The following AGO4 variants were observed in gnomAD, a reference collection of about 807,000 sequenced individuals.
The protein encoded by AGO4 is protein argonaute-4.
A neutral mutation model predicts 104.7 loss-of-function variants in AGO4; 33 were observed. The ratio of observed to expected loss-of-function variants is 0.32; its 90% confidence interval spans 0.24 to 0.42. The LOEUF (loss-of-function observed/expected upper bound fraction) is 0.42. AGO4 is among the 10% of genes least tolerant of loss of function. The pLI is 1.00. For missense variants in AGO4, 711 were observed against 1,083.4 expected (o/e 0.66, Z 4.83); for synonymous variants, 331 against 364.7 (o/e 0.91, Z 1.05).
At chr1:35,815,488 CAGTT>C (rs982899205) in intron 1 of AGO4, among the ~76,000 whole-genome samples, 2 of 151,990 alleles carry the variant, frequency 1.3e-5, no homozygotes, top group Admixed American at 6.6e-5. Flanking sequence ...GGAAAAAAAA[CAGTT>C]AGCTAAATGA....
intron 2 of AGO4, among the ~76,000 whole-genome samples, chr1:35,820,546 G>A (rs1187640615): frequency 2.0e-5 from 3 of 151,834 alleles, no homozygotes; most frequent in Non-Finnish European, 2.9e-5. Flanking sequence ...TAGTAGAGAC[G>A]AGGTTTCACC....
chr1:35,811,150 CA>C (rs376134737), intron 1 of AGO4, among the ~76,000 whole-genome samples: 6,848 of 149,230 alleles, frequency 0.046, 214 homozygotes, highest in South Asian at 0.067. Flanking sequence ...AACAAAACAA[CA>C]AAAAAAAACC....
chr1:35,825,511 G>A lies in AGO4; in HGVS notation c.488+17G>A, dbSNP rs751205334. The A allele has an allele frequency of 3.6e-5, 57 of 1,602,208 alleles. No homozygotes were observed. Among genetic ancestry groups the A allele is most frequent in the African/African-American group, 1.2e-4 (9 of 74,350 alleles). On this transcript the variant is annotated intron_variant, in intron 4 of 17. Coordinates refer to ENST00000373210, the MANE Select transcript of AGO4 (RefSeq NM_017629.4). ...CTCCATGAGGTTAGTACCTTGGTTT[G>A]GATTATTTCCTACAAATGTCAGACT...
chr1:35,841,019 G>C lies in AGO4; in HGVS notation c.1725-146G>C. 1 of 767,640 alleles carries C rather than the reference G, an allele frequency of 1.3e-6. No homozygotes were observed. Among genetic ancestry groups the C allele is most frequent in the Non-Finnish European group, 2.1e-6 (1 of 480,606 alleles). 47.6% of individuals were successfully genotyped at this position (767,640 alleles called of 1,614,324 possible). ...GTACTGGGTGACATCAATATTCAGTGGTCCGTAGTGTTCTTTCCCAATGGG... is the reference window on the plus strand; with the variant it reads ...GTACTGGGTGACATCAATATTCAGTCGTCCGTAGTGTTCTTTCCCAATGGG... On this transcript the variant is annotated intron_variant, in intron 13 of 17. Coordinates refer to ENST00000373210, the MANE Select transcript of AGO4 (RefSeq NM_017629.4). This position sits in a 1 kb window ranked among gnomAD's most constrained non-coding sequence, Gnocchi z 4.7.
Position 35,841,288 on chromosome 1 carries a change from G to A in AGO4, c.1848G>A (p.Arg616=). The A allele has an allele frequency of 6.2e-7, 1 of 1,614,156 alleles. No individual in the cohort carries two copies. The change falls in exon 14 of 18, where the codon CGG becomes CGA. Residue 616 remains arginine, a synonymous_variant. Transcript: ENST00000373210. This position sits in a 1 kb window ranked among gnomAD's most constrained non-coding sequence, Gnocchi z 4.7. ...GCAGTATGGATGGCCACCCCAGCCG[G>A]TACTGTGCCACCGTTCGGGTGCAGA... The part of the protein sequence containing the change: ...VVGSMDGHPS[R]YCATVRVQTS...
rs1644835433 is a variant in AGO4 at position 35,857,169 on chromosome 1, C to G, written c.*3564C>G. ...TTTAACAAGGCTCACCCTCTCCACC[C>G]TGTCCTAACGACCTTTTGTGAATGT... On this transcript the variant is annotated 3_prime_UTR_variant, in exon 18 of 18. Transcript: ENST00000373210. 1 of 152,202 alleles carries G rather than the reference C, an allele frequency of 6.6e-6. No individual in the cohort carries two copies. Among genetic ancestry groups the G allele is most frequent in the Admixed American group, 6.5e-5 (1 of 15,280 alleles). 9.4% of individuals were successfully genotyped at this position (152,202 alleles called of 1,614,324 possible). A position where few individuals can be genotyped will look rare whatever the true frequency, so the allele number is the denominator to read the frequency against.
chr1:35,818,285 T>G (rs1643776175), intron 2 of AGO4, among the ~76,000 whole-genome samples: 1 of 152,084 alleles, frequency 6.6e-6, no homozygotes, highest in Non-Finnish European at 1.5e-5. Flanking sequence ...GTGAGGGATA[T>G]CTGCATGAAG....
At chr1:35,810,917 CGG>C (rs1643479332) in intron 1 of AGO4, among the ~76,000 whole-genome samples, 1 of 150,170 alleles carries the variant, frequency 6.7e-6, no homozygotes, top group South Asian at 2.1e-4. Flanking sequence ...GGATCATTTG[CGG>C]CCAGGAGTTC....
chr1:35,812,592 A>AT (rs945654041), intron 1 of AGO4, among the ~76,000 whole-genome samples: 21 of 151,102 alleles, frequency 1.4e-4, no homozygotes, highest in Non-Finnish European at 2.4e-4. Context: ...TTCTTACAAC[A>AT]TTTTTTTTCT....
At chr1:35,847,092 A>G (rs1035339299) in intron 15 of AGO4, among the ~76,000 whole-genome samples, 18 of 150,482 alleles carry the variant, frequency 1.2e-4, no homozygotes, top group African/African-American at 4.5e-4. Context: ...GGGGTGTCCA[A>G]TCTTTTGGCT....
intron 12 of AGO4, among the ~76,000 whole-genome samples, chr1:35,835,008 T>TC (rs1644275315): frequency 8.5e-6 from 1 of 118,024 alleles, no homozygotes; most frequent in East Asian, 2.3e-4. Context: ...GTTTTAAACT[T>TC]TTTTTTTTTT....
At chr1:35,852,611 A>G (rs1239179439) in intron 17 of AGO4, among the ~76,000 whole-genome samples, 1 of 152,228 alleles carries the variant, frequency 6.6e-6, no homozygotes, top group Non-Finnish European at 1.5e-5. Context: ...TTGTTGTATT[A>G]TGTGCTAGAC....
intron 7 of AGO4, among the ~76,000 whole-genome samples, chr1:35,830,741 T>A (rs1468542907): frequency 2.0e-5 from 3 of 151,442 alleles, no homozygotes; most frequent in African/African-American, 7.3e-5. Context: ...TTTGGGAGGA[T>A]GAGGCAGGTG....
chr1:35,857,787 C>T lies in AGO4; in HGVS notation c.*4182C>T, dbSNP rs927667567. 6.6e-6 allele frequency: 1 copy of T among 152,120 alleles called. No homozygotes were observed. Among genetic ancestry groups the T allele is most frequent in the Non-Finnish European group, 1.5e-5 (1 of 68,022 alleles). The allele number at this position is 152,120 out of a possible 1,614,324, so 9.4% of individuals were successfully genotyped here. A position where few individuals can be genotyped will look rare whatever the true frequency, so the allele number is the denominator to read the frequency against. ...AATTTTACAAAGAACAGTGGAAAAA[C>T]TTTGTGTTTTTAACTCTTGGGTCTC... On this transcript the variant is annotated 3_prime_UTR_variant, in exon 18 of 18. Transcript: ENST00000373210.
chr1:35,832,705 A>G (rs1036139830), intron 11 of AGO4, 135 bp downstream of exon 11: 1 of 1,165,898 alleles, frequency 8.6e-7, no homozygotes, highest in African/African-American at 1.6e-5. Flanking sequence ...TATGAAAAAG[A>G]CCTTGTATTA....
intron 2 of AGO4, among the ~76,000 whole-genome samples, chr1:35,821,034 A>G (rs1557554219): frequency 6.6e-6 from 1 of 152,184 alleles, no homozygotes. Flanking sequence ...GTGATCAGGG[A>G]CAAGCCACTT....
intron 1 of AGO4, among the ~76,000 whole-genome samples, chr1:35,812,219 A>T (rs1643532555): frequency 6.6e-6 from 1 of 151,866 alleles, no homozygotes; most frequent in Non-Finnish European, 1.5e-5. Flanking sequence ...GAAAAAAAAA[A>T]TTAACTTCCA....
At chr1:35,823,009 A>C (rs775075618) in intron 3 of AGO4, 27 bp downstream of exon 3, 1 of 1,607,422 alleles carries the variant, frequency 6.2e-7, no homozygotes, top group African/African-American at 1.3e-5. Context: ...AGAAATACTT[A>C]GTTCATTTAG....
rs1433373158 is a variant in AGO4 at position 35,853,893 on chromosome 1, A to T, written c.*288A>T. 1 of 236,778 alleles carries T rather than the reference A, an allele frequency of 4.2e-6. No homozygotes were observed. Among genetic ancestry groups the T allele is most frequent in the East Asian group, 8.8e-5 (1 of 11,300 alleles). 14.7% of individuals were successfully genotyped at this position (236,778 alleles called of 1,614,324 possible). On this transcript the variant is annotated 3_prime_UTR_variant, in exon 18 of 18. Transcript: ENST00000373210. ...CAGCCTGAACTTTCTAAAGGACTTT[A>T]CAAGAAGGGTTTCTATGGAATATTT...
Sources: allele counts gnomAD v4.1 joint callset (sites outside exome capture counted in the v4.1 genomes callset), GRCh38; gene constraint gnomAD v4.1.1; non-coding constraint Gnocchi (gnomAD v3.1); transcripts MANE v1.5; gene names NCBI Gene and HGNC (gene_info 2026-07-23, HGNC 2026-07-21).